The following ZCWPW2 variants were observed in gnomAD, a reference collection of about 807,000 sequenced individuals.
The protein encoded by ZCWPW2 is zinc finger CW-type and PWWP domain containing 2, also known as zinc finger CW-type PWWP domain protein 2.
In ZCWPW2, 45 loss-of-function variants were observed where a neutral mutation model predicts 46.6. The ratio of observed to expected loss-of-function variants is 0.96; its 90% CI spans 0.76 to 1.24. The LOEUF is 1.24. Ranked by LOEUF, ZCWPW2 falls within the 50% of genes most tolerant of loss-of-function variation. The probability of loss-of-function intolerance (pLI) is 0.00; values close to 1 mark genes in which losing one functional copy is unlikely to be tolerated. For synonymous variants in ZCWPW2, 152 were observed against 137.1 expected, an observed-to-expected ratio of 1.11 and a Z score of -0.76; for missense variants, 429 against 403.9, an observed-to-expected ratio of 1.06 and a Z score of -0.53.
intron 4 of ZCWPW2, among the ~76,000 whole-genome samples, chr3:28,438,785 A>G (rs1160474528): frequency 6.6e-6 from 1 of 152,150 alleles, no homozygotes; most frequent in African/African-American, 2.4e-5. Flanking sequence ...AGATATTGAG[A>G]GTCAAGAACA....
At chr3:28,438,786 G>T (rs372452971) in intron 4 of ZCWPW2, among the ~76,000 whole-genome samples, 1 of 152,082 alleles carries the variant, frequency 6.6e-6, no homozygotes, top group Non-Finnish European at 1.5e-5. Context: ...GATATTGAGA[G>T]TCAAGAACAT....
rs184766512 is a variant in ZCWPW2, at chr3:28,385,353, G to A, written c.-133-5145G>A. On this transcript the variant is annotated intron_variant, in intron 1 of 9. Transcript: ENST00000383768. ...TCCATTAGAGGGATCTTGACTGTTG[G>A]CCTGTATAGCTTTTAATTAATAATT... Among the ~76,000 whole-genome samples the A allele has an allele frequency of 1.1e-3, 162 of 152,252 alleles. 1 individual carries two copies. The highest frequency in any genetic ancestry group is 1.1e-3 in the Non-Finnish European group (76 of 68,028).
chr3:28,483,845 T>C (rs1319830618), intron 5 of ZCWPW2, among the ~76,000 whole-genome samples: 2 of 152,194 alleles, frequency 1.3e-5, no homozygotes, highest in African/African-American at 4.8e-5. Context: ...TCCTGCAACC[T>C]TGCTATAATC....
At chr3:28,363,391 A>T (rs532525333) in intron 1 of ZCWPW2, among the ~76,000 whole-genome samples, 1 of 152,320 alleles carries the variant, frequency 6.6e-6, no homozygotes, top group Admixed American at 6.5e-5. Flanking sequence ...AGTTTTTCTT[A>T]TAATAGCACT....
intron 4 of ZCWPW2, among the ~76,000 whole-genome samples, chr3:28,452,699 A>G (rs1698272747): frequency 6.6e-6 from 1 of 152,230 alleles, no homozygotes; most frequent in Non-Finnish European, 1.5e-5. Context: ...CTTGTCATAC[A>G]GTAGGCTCTC....
At chr3:28,466,938 A>G (rs983268174) in intron 4 of ZCWPW2, among the ~76,000 whole-genome samples, 4 of 152,234 alleles carry the variant, frequency 2.6e-5, no homozygotes, top group Admixed American at 1.3e-4. Context: ...AAAAAAAACA[A>G]TTGAGACTTT....
chr3:28,444,364 AG>A (rs1697899980), intron 4 of ZCWPW2, among the ~76,000 whole-genome samples: 1 of 152,166 alleles, frequency 6.6e-6, no homozygotes, highest in Non-Finnish European at 1.5e-5. Flanking sequence ...TTTCCCTGGC[AG>A]CTGCATCAGG....
At chr3:28,511,060 G>A (rs1321025894) in intron 6 of ZCWPW2, 2 of 455,942 alleles carry the variant, frequency 4.4e-6, no homozygotes, top group Non-Finnish European at 8.8e-6. Flanking sequence ...CAGATGTCAA[G>A]AAAGACCCTG....
At position 28,355,523 on chromosome 3, in the gene ZCWPW2, A is replaced by G. The variant is rs543311984; in HGVS notation, c.-134+6320A>G. The stretch of plus-strand genomic sequence containing the variant: ...ACTTTAAAGTTCATATGGAACCAAG[A>G]AAGAGCCCGCATTGCCAAGTCCATC... On this transcript the variant is annotated intron_variant, in intron 1 of 9. Transcript: ENST00000383768. 5.6e-3 allele frequency among the ~76,000 whole-genome samples: 858 copies of G among 152,358 alleles called. 2 individuals carry two copies. Among genetic ancestry groups the G allele is most frequent in the Non-Finnish European group, 9.5e-3 (646 of 68,032 alleles).
chr3:28,437,470 T>C (rs1697547718), intron 4 of ZCWPW2, among the ~76,000 whole-genome samples: 1 of 152,204 alleles, frequency 6.6e-6, no homozygotes, highest in Non-Finnish European at 1.5e-5. Context: ...TTTTTTGTTT[T>C]ATTATGAAAA....
intron 1 of ZCWPW2, among the ~76,000 whole-genome samples, chr3:28,369,823 C>T (rs1279578951): frequency 6.6e-6 from 1 of 152,198 alleles, no homozygotes; most frequent in South Asian, 2.1e-4. Context: ...AGCTTCCTGG[C>T]TGCTTTGTTT....
At chr3:28,500,522 T>C (rs1033589488) in intron 6 of ZCWPW2, among the ~76,000 whole-genome samples, 1 of 152,108 alleles carries the variant, frequency 6.6e-6, no homozygotes, top group Non-Finnish European at 1.5e-5. Context: ...AACTTACTAT[T>C]TGAACAACAA....
At chr3:28,370,112 G>A (rs1345810864) in intron 1 of ZCWPW2, among the ~76,000 whole-genome samples, 1 of 152,192 alleles carries the variant, frequency 6.6e-6, no homozygotes, top group Non-Finnish European at 1.5e-5. Flanking sequence ...TCCTGGGTGA[G>A]GTGATGCCTC....
chr3:28,398,566 A>G (rs2125725226), intron 2 of ZCWPW2, among the ~76,000 whole-genome samples: 1 of 152,290 alleles, frequency 6.6e-6, no homozygotes, highest in South Asian at 2.1e-4. Context: ...CCTCTGAAGG[A>G]ACCAGATTGC....
At chr3:28,470,510 A>AAAAG (rs1559518002) in intron 4 of ZCWPW2, among the ~76,000 whole-genome samples, 10 of 142,516 alleles carry the variant, frequency 7.0e-5, no homozygotes, top group Non-Finnish European at 1.2e-4. Context: ...AAAAAAAAAA[A>AAAAG]AAGGAAGGAA....
At chr3:28,414,142 T>TTTTA (rs1281195022) in intron 3 of ZCWPW2, among the ~76,000 whole-genome samples, 3 of 152,066 alleles carry the variant, frequency 2.0e-5, no homozygotes, top group Admixed American at 2.0e-4. Flanking sequence ...ATATTACTTA[T>TTTTA]GGTGGCTATT....
At chr3:28,489,794 T>G (rs1043399607) in intron 5 of ZCWPW2, among the ~76,000 whole-genome samples, 3 of 152,052 alleles carry the variant, frequency 2.0e-5, no homozygotes, top group African/African-American at 7.2e-5. Flanking sequence ...TTAAGTAGAT[T>G]ATATTATTTA....
At chr3:28,361,610 G>A (rs1704947844) in intron 1 of ZCWPW2, among the ~76,000 whole-genome samples, 1 of 151,686 alleles carries the variant, frequency 6.6e-6, no homozygotes, top group South Asian at 2.1e-4. Context: ...TAGAATGGAA[G>A]AAAATATTTG....
chr3:28,409,078 A>C (rs1696284614), intron 2 of ZCWPW2, among the ~76,000 whole-genome samples: 2 of 151,204 alleles, frequency 1.3e-5, no homozygotes, highest in African/African-American at 2.4e-5. Context: ...TCACAAACAC[A>C]GAAAATATTC....
Sources: gnomAD v4.1 joint callset for allele counts (sites outside exome capture counted in the v4.1 genomes callset) on GRCh38, gnomAD v4.1.1 for gene constraint, MANE v1.5 for transcripts, NCBI Gene and HGNC (gene_info 2026-07-23, HGNC 2026-07-21) for gene names.